GNA11: variants seen among roughly 807,000 people sequenced by gnomAD.
GNA11 encodes the protein guanine nucleotide-binding protein subunit alpha-11.
In GNA11, 8 loss-of-function variants were observed where a neutral mutation model predicts 38.2. That is an observed-to-expected ratio of 0.21 (90% CI 0.12 to 0.38). The LOEUF (loss-of-function observed/expected upper bound fraction) is 0.38, where lower values mean the gene tolerates loss of function less well. GNA11 is among the 10% of genes least tolerant of loss of function. The pLI is 1.00. For missense variants in GNA11, 268 were observed against 516.3 expected (o/e 0.52, Z 4.66); for synonymous variants, 211 against 221.4 (o/e 0.95, Z 0.42).
intron 1 of GNA11, among the ~76,000 whole-genome samples, chr19:3,106,755 T>TATGC (rs1461326982): frequency 2.0e-5 from 3 of 152,252 alleles, no homozygotes; most frequent in African/African-American, 7.2e-5. Context: ...TGCATACATG[T>TATGC]ATGTGTGGGT....
rs746837168 is a variant in GNA11 at position 3,119,409 on chromosome 19, G to GTA, written c.889+50_889+51insTA. On this transcript the variant is annotated intron_variant, in intron 6 of 6. Transcript: ENST00000078429. The surrounding 1 kb of genome is among the most constrained non-coding windows in gnomAD (Gnocchi z 4.6). Reference sequence around the variant, plus strand: ...GGGGCTCGCGGGCAGGGCCTTACTGGGGGGAGGGGGCTGATATGGGAGAGG... The same window carrying GTA: ...GGGGCTCGCGGGCAGGGCCTTACTGGTAGGGGAGGGGGCTGATATGGGAGAGG... 172 of 1,557,558 alleles carry GTA rather than the reference G, an allele frequency of 1.1e-4. No individual in the cohort carries two copies. The highest frequency in any genetic ancestry group is 1.8e-5 in the Non-Finnish European group (20 of 1,139,060).
intron 1 of GNA11, among the ~76,000 whole-genome samples, chr19:3,099,105 C>T (rs12462748): frequency 0.081 from 12,390 of 152,158 alleles, 1,175 homozygotes; most frequent in Admixed American, 0.2. Context: ...TGTGGTGGAG[C>T]CTGTCTCTGT....
At chr19:3,106,611 G>A (rs895778268) in intron 1 of GNA11, among the ~76,000 whole-genome samples, 3 of 150,784 alleles carry the variant, frequency 2.0e-5, no homozygotes, top group African/African-American at 7.3e-5. Context: ...TGGGAGACAC[G>A]AGTGGCTTCA....
intron 1 of GNA11, among the ~76,000 whole-genome samples, chr19:3,104,168 C>T (rs1913579173): frequency 6.6e-6 from 1 of 152,264 alleles, no homozygotes. Context: ...GTCAGGGCTG[C>T]GCCCTCTTGT....
At chr19:3,112,950 G>A (rs931319433) in intron 2 of GNA11, among the ~76,000 whole-genome samples, 2 of 152,200 alleles carry the variant, frequency 1.3e-5, no homozygotes, top group Non-Finnish European at 2.9e-5. Flanking sequence ...TAGTTCTGTC[G>A]TCGTGCTTGG....
intron 4 of GNA11, chr19:3,117,330 G>A: frequency 6.6e-6 from 1 of 152,604 alleles, no homozygotes; most frequent in Non-Finnish European, 1.5e-5. Context: ...AGCTCAGGCT[G>A]GGTGTGTCAC....
intron 1 of GNA11, among the ~76,000 whole-genome samples, chr19:3,102,626 C>T (rs535641096): frequency 1.1e-3 from 175 of 152,322 alleles, no homozygotes; most frequent in Non-Finnish European, 1.9e-3. Flanking sequence ...TTGTCCTCTC[C>T]GTGCCTCAGT....
At chr19:3,107,436 C>T (rs1913665214) in intron 1 of GNA11, among the ~76,000 whole-genome samples, 1 of 152,138 alleles carries the variant, frequency 6.6e-6, no homozygotes, top group South Asian at 2.1e-4. Context: ...TACCAAGGGG[C>T]GGCGCCTTCT....
Position 3,119,367 on chromosome 19 carries a change from G to A in GNA11, c.889+8G>A, listed in dbSNP as rs73527836. The A allele has an allele frequency of 2.3e-4, 369 of 1,612,558 alleles. No homozygotes were observed. The highest frequency in any genetic ancestry group is 7.1e-4 in the African/African-American group (53 of 74,910). On this transcript the variant is annotated splice_region_variant and intron_variant, in intron 6 of 6. Transcript: ENST00000078429. This position sits in a 1 kb window ranked among gnomAD's most constrained non-coding sequence, Gnocchi z 4.6. ...ACTTCCCCGAGTTCGATGGTGCGCC[G>A]GGCTGCGGCATGGGGAGGGGCTCGC...
rs770035605 is a variant in GNA11 at position 3,094,744 on chromosome 19, G to A, written c.93G>A (p.Arg31=). Residue 31 remains arginine (R), a synonymous_variant, in exon 1 of 7, where the codon CGG becomes CGA. Coordinates refer to ENST00000078429, the MANE Select transcript of GNA11 (RefSeq NM_002067.5). The surrounding 1 kb of genome is among the most constrained non-coding windows in gnomAD (Gnocchi z 6.0). ...CCGAGATCGAGAAGCAGCTGCGGCG[G>A]GACAAGCGCGACGCCCGGCGCGAGC... ...INAEIEKQLR[R]DKRDARRELK... is the part of the protein sequence containing the mutation. The A allele has an allele frequency of 5.7e-6, 9 of 1,590,660 alleles. No individual in the cohort carries two copies. Among genetic ancestry groups the A allele is most frequent in the Non-Finnish European group, 7.7e-6 (9 of 1,170,480 alleles).
chr19:3,107,869 G>A (rs889037676), intron 1 of GNA11, among the ~76,000 whole-genome samples: 4 of 152,134 alleles, frequency 2.6e-5, no homozygotes, highest in Admixed American at 6.5e-5. Flanking sequence ...TCTTCAGGGC[G>A]CGGTGAGGGA....
rs1295701374 is a variant in GNA11 at position 3,122,396 on chromosome 19, CTGGGCAGCTTCCAGGCCTGGCT to C, written c.*1218_*1239del. ...GTGGAAGGTGGTGGCAGGCACCGGCCTGGGCAGCTTCCAGGCCTGGCTGGCCACGACCACGGCCCGAGGGGGA... is the reference window on the plus strand; with the variant it reads ...GTGGAAGGTGGTGGCAGGCACCGGCCGGCCACGACCACGGCCCGAGGGGGA... On this transcript the variant is annotated 3_prime_UTR_variant, in exon 7 of 7. Coordinates refer to ENST00000078429, the MANE Select transcript of GNA11 (RefSeq NM_002067.5). The surrounding 1 kb of genome is among the most constrained non-coding windows in gnomAD (Gnocchi z 7.7). 1 of 231,344 alleles carries C rather than the reference CTGGGCAGCTTCCAGGCCTGGCT, an allele frequency of 4.3e-6. No homozygotes were observed. The highest frequency in any genetic ancestry group is 8.6e-6 in the Non-Finnish European group (1 of 116,886). 14.3% of individuals were successfully genotyped at this position (231,344 alleles called of 1,614,324 possible).
intron 1 of GNA11, among the ~76,000 whole-genome samples, chr19:3,102,315 T>C (rs1008653008): frequency 1.3e-5 from 2 of 152,100 alleles, no homozygotes; most frequent in Non-Finnish European, 2.9e-5. Context: ...ACTCTGCTGC[T>C]GTGGAGATGG....
intron 1 of GNA11, among the ~76,000 whole-genome samples, chr19:3,097,600 C>G (rs1306773956): frequency 1.3e-5 from 2 of 152,244 alleles, no homozygotes; most frequent in Non-Finnish European, 2.9e-5. Flanking sequence ...CACTGCCTCC[C>G]TGGGGCTGCA....
chr19:3,099,337 T>C lies in GNA11; in HGVS notation c.136+4550T>C, dbSNP rs535083639. On this transcript the variant is annotated intron_variant, in intron 1 of 6. Transcript: ENST00000078429. Reference sequence around the variant, plus strand: ...TGCGTGGAGGATGGGAAGCCTTGTATGGCTTGCCCACCTGGGTGACTGAGA... The same window carrying C: ...TGCGTGGAGGATGGGAAGCCTTGTACGGCTTGCCCACCTGGGTGACTGAGA... Among the ~76,000 whole-genome samples the C allele has an allele frequency of 3.6e-4, 55 of 152,336 alleles. No homozygotes were observed. In the East Asian group the frequency reaches 9.7e-3, roughly 27 times the overall value.
chr19:3,096,980 A>C (rs548487955), intron 1 of GNA11, among the ~76,000 whole-genome samples: 2 of 152,242 alleles, frequency 1.3e-5, no homozygotes, highest in African/African-American at 4.8e-5. Flanking sequence ...GCAACCTTGC[A>C]TCCCAGCTGG....
Position 3,113,317 on chromosome 19 carries a change from C to A in GNA11, c.322-13C>A, listed in dbSNP as rs2145318382. ...CAGCGAGCTCTCGACGTCTCCCCTGCCCGCCCTCGCAGGCCAATGCGCTCC... is the reference window on the plus strand; with the variant it reads ...CAGCGAGCTCTCGACGTCTCCCCTGACCGCCCTCGCAGGCCAATGCGCTCC... On this transcript the variant is annotated splice_polypyrimidine_tract_variant and intron_variant, in intron 2 of 6. Coordinates refer to ENST00000078429, the MANE Select transcript of GNA11 (RefSeq NM_002067.5). 6.2e-7 allele frequency: 1 copy of A among 1,612,466 alleles called. No individual in the cohort carries two copies. Among genetic ancestry groups the A allele is most frequent in the Non-Finnish European group, 8.5e-7 (1 of 1,179,390 alleles).
intron 4 of GNA11, chr19:3,117,721 A>G (rs1913960308): frequency 6.6e-6 from 1 of 152,246 alleles, no homozygotes. Flanking sequence ...CCCCGTCCTG[A>G]GCCTACTCCT....
chr19:3,102,352 CTGCCATCGCTGCCCCTGGCTGTCA>C (rs998291769), intron 1 of GNA11, among the ~76,000 whole-genome samples: 10 of 152,206 alleles, frequency 6.6e-5, no homozygotes, highest in African/African-American at 2.4e-4. Context: ...AGAGGCTGTC[CTGCCATCGCTGCCCCTGGCTGTCA>C]TGCCCCACCT....
Sources: gnomAD v4.1 joint callset for allele counts (sites outside exome capture counted in the v4.1 genomes callset) on GRCh38, gnomAD v4.1.1 for gene constraint, Gnocchi (gnomAD v3.1) non-coding constraint, MANE v1.5 for transcripts, NCBI Gene and HGNC (gene_info 2026-07-23, HGNC 2026-07-21) for gene names.